SCHIP1: variants seen among roughly 807,000 people sequenced by gnomAD.
SCHIP1 encodes schwannomin interacting protein 1, also known as schwannomin-interacting protein 1.
A neutral mutation model predicts 29.7 loss-of-function variants in SCHIP1; 8 were observed. The ratio of observed to expected loss-of-function variants is 0.27; its 90% CI spans 0.16 to 0.49. The LOEUF is 0.49. SCHIP1 is among the 20% of genes least tolerant of loss of function. The pLI, the probability that SCHIP1 is intolerant of heterozygous loss-of-function variation, is 0.99. For missense variants in SCHIP1, 193 were observed against 294.6 expected (o/e 0.66, Z 2.52); for synonymous variants, 76 against 94.9 (o/e 0.80, Z 1.16).
chr3:159,532,388 G>A, the SCHIP1 span, among the ~76,000 whole-genome samples: 9 of 152,018 alleles, frequency 5.9e-5, no homozygotes, highest in African/African-American at 1.4e-4. Context: ...ACCCATTACC[G>A]AGAAAGAACC....
chr3:159,643,017 G>T, the SCHIP1 span, among the ~76,000 whole-genome samples: 1 of 151,966 alleles, frequency 6.6e-6, no homozygotes, highest in Non-Finnish European at 1.5e-5. Context: ...AAGAAGAGTG[G>T]TAGTCAGATC....
chr3:159,683,081 A>G, the SCHIP1 span, among the ~76,000 whole-genome samples: 5 of 152,010 alleles, frequency 3.3e-5, no homozygotes, highest in East Asian at 9.7e-4. Context: ...GTTTTATTTT[A>G]TTTTATTTTT....
the SCHIP1 span, among the ~76,000 whole-genome samples, chr3:159,389,240 T>C: frequency 3.9e-5 from 6 of 152,194 alleles, no homozygotes; most frequent in Non-Finnish European, 7.4e-5. Context: ...TTTTCTTACA[T>C]GGCAGGGGGT....
At chr3:159,603,425 G>A in the SCHIP1 span, among the ~76,000 whole-genome samples, 1 of 152,032 alleles carries the variant, frequency 6.6e-6, no homozygotes, top group Non-Finnish European at 1.5e-5. Flanking sequence ...TTGGTGGCGG[G>A]GTGAGGCTGA....
At chr3:159,677,731 A>G in the SCHIP1 span, among the ~76,000 whole-genome samples, 2 of 152,218 alleles carry the variant, frequency 1.3e-5, no homozygotes, top group Admixed American at 1.3e-4. Context: ...CTTTTTTTCT[A>G]CTATCACCTG....
At chr3:159,897,227 T>C (rs1016253475) in exon 7 of SCHIP1, 7 of 152,818 alleles carry the variant, frequency 4.6e-5, no homozygotes, top group African/African-American at 1.2e-4. Flanking sequence ...TTTTACTCAG[T>C]TTTCAACATT....
the SCHIP1 span, chr3:159,722,093 C>A: frequency 2.9e-6 from 1 of 343,480 alleles, no homozygotes; most frequent in Non-Finnish European, 5.6e-6. Context: ...TCCCCAGTGT[C>A]TTCCTCTTCA....
At chr3:159,343,917 T>C in the SCHIP1 span, among the ~76,000 whole-genome samples, 56,155 of 152,124 alleles carry the variant, frequency 0.37, 11,515 homozygotes, top group East Asian at 0.47. Flanking sequence ...ATTTGAATGT[T>C]GATAGTAATT....
At chr3:159,398,575 G>A in the SCHIP1 span, among the ~76,000 whole-genome samples, 4 of 152,172 alleles carry the variant, frequency 2.6e-5, no homozygotes, top group African/African-American at 9.7e-5. Flanking sequence ...CAATTAGGAG[G>A]CAGTAGCTAT....
chr3:159,459,418 A>G, the SCHIP1 span, among the ~76,000 whole-genome samples: 2 of 152,154 alleles, frequency 1.3e-5, no homozygotes, highest in African/African-American at 4.8e-5. Flanking sequence ...TCATTTGACA[A>G]ATATCACTGA....
chr3:159,774,419 T>C, the SCHIP1 span, among the ~76,000 whole-genome samples: 34 of 152,224 alleles, frequency 2.2e-4, no homozygotes, highest in African/African-American at 7.7e-4. Flanking sequence ...TTTATATATA[T>C]CTGTTAAATA....
chr3:159,470,903 T>G, the SCHIP1 span, among the ~76,000 whole-genome samples: 2 of 152,072 alleles, frequency 1.3e-5, no homozygotes, highest in African/African-American at 2.4e-5. Context: ...GACTATCTCA[T>G]GTATGATTCC....
intron 5 of SCHIP1, among the ~76,000 whole-genome samples, chr3:159,890,894 C>T (rs1321465014): frequency 6.6e-6 from 1 of 152,144 alleles, no homozygotes; most frequent in Admixed American, 6.5e-5. Flanking sequence ...TGATCACCCC[C>T]ATTCTATCTT....
chr3:159,479,489 A>C, the SCHIP1 span, among the ~76,000 whole-genome samples: 1 of 152,172 alleles, frequency 6.6e-6, no homozygotes, highest in Non-Finnish European at 1.5e-5. Flanking sequence ...AAAGGCTGTC[A>C]ATTTTTTCAC....
chr3:159,682,479 T>A, the SCHIP1 span, among the ~76,000 whole-genome samples: 1 of 152,200 alleles, frequency 6.6e-6, no homozygotes, highest in African/African-American at 2.4e-5. Context: ...ATCAGTGAAC[T>A]ATAAATTTCA....
the SCHIP1 span, among the ~76,000 whole-genome samples, chr3:159,816,491 T>A: frequency 6.6e-6 from 1 of 151,250 alleles, no homozygotes; most frequent in East Asian, 1.9e-4. Flanking sequence ...CCCAGGCTGG[T>A]CTCAAACTCT....
At chr3:159,506,161 TC>T in the SCHIP1 span, among the ~76,000 whole-genome samples, 1 of 152,226 alleles carries the variant, frequency 6.6e-6, no homozygotes, top group African/African-American at 2.4e-5. Flanking sequence ...TGATTGCCAT[TC>T]TAACTGGTGT....
At chr3:159,591,454 A>G in the SCHIP1 span, among the ~76,000 whole-genome samples, 2 of 152,228 alleles carry the variant, frequency 1.3e-5, no homozygotes, top group Non-Finnish European at 2.9e-5. Flanking sequence ...TGCTACTATA[A>G]AGACACATGC....
the SCHIP1 span, among the ~76,000 whole-genome samples, chr3:159,415,826 G>C: frequency 6.6e-6 from 1 of 152,082 alleles, no homozygotes; most frequent in South Asian, 2.1e-4. Context: ...ACAGTGCCTG[G>C]CACATAGTAA....
Sources: allele counts gnomAD v4.1 joint callset (sites outside exome capture counted in the v4.1 genomes callset), GRCh38; gene constraint gnomAD v4.1.1; transcripts MANE v1.5; gene names NCBI Gene and HGNC (gene_info 2026-07-23, HGNC 2026-07-21).